SLC25A21: variants seen among roughly 807,000 people sequenced by gnomAD.
The protein encoded by SLC25A21 is solute carrier family 25 member 21.
SLC25A21 carries 47 observed loss-of-function variants against 43.8 expected under a neutral mutation model. The ratio of observed to expected loss-of-function variants is 1.07; its 90% CI spans 0.85 to 1.37. The LOEUF is 1.37. SLC25A21 is among the 40% of genes most tolerant of loss of function. The pLI is 0.00. For synonymous variants in SLC25A21, 131 were observed against 121.3 expected, an observed-to-expected ratio of 1.08 and a Z score of -0.52; for missense variants, 352 against 350.2, an observed-to-expected ratio of 1.00 and a Z score of -0.04.
intron 6 of SLC25A21, among the ~76,000 whole-genome samples, chr14:36,718,032 A>G (rs1884218828): frequency 6.6e-6 from 1 of 152,128 alleles, no homozygotes; most frequent in Non-Finnish European, 1.5e-5. Context: ...TATGTTAATA[A>G]TTTACAAAAT....
intron 1 of SLC25A21, among the ~76,000 whole-genome samples, chr14:37,011,120 C>G (rs1284872188): frequency 2.0e-5 from 3 of 152,148 alleles, no homozygotes; most frequent in Non-Finnish European, 4.4e-5. Context: ...CTCCTCACCT[C>G]AAGTGATCCG....
At chr14:36,776,230 C>T (rs368380184) in intron 3 of SLC25A21, among the ~76,000 whole-genome samples, 73 of 70,788 alleles carry the variant, frequency 1.0e-3, no homozygotes, top group African/African-American at 2.5e-3. Context: ...CTTTTTCTTT[C>T]TTTCTTTCTT....
intron 1 of SLC25A21, among the ~76,000 whole-genome samples, chr14:36,962,022 A>G (rs1959504626): frequency 6.6e-6 from 1 of 152,158 alleles, no homozygotes; most frequent in Non-Finnish European, 1.5e-5. Flanking sequence ...CTCCAGTCTG[A>G]GTTCTGCTCA....
intron 1 of SLC25A21, among the ~76,000 whole-genome samples, chr14:37,079,777 T>C (rs1422724153): frequency 6.6e-6 from 1 of 152,196 alleles, no homozygotes; most frequent in Non-Finnish European, 1.5e-5. Context: ...TATCACTGCC[T>C]ATCCCCAATC....
chr14:37,023,197 T>C (rs1320660394), intron 1 of SLC25A21, among the ~76,000 whole-genome samples: 1 of 152,046 alleles, frequency 6.6e-6, no homozygotes, highest in Non-Finnish European at 1.5e-5. Context: ...TTTTCTGGAA[T>C]GGATCTAGCT....
intron 1 of SLC25A21, among the ~76,000 whole-genome samples, chr14:36,978,868 C>T (rs1455016434): frequency 6.6e-6 from 1 of 152,118 alleles, no homozygotes; most frequent in East Asian, 1.9e-4. Context: ...ACCCGCTGTT[C>T]TAAGTCTTCA....
chr14:37,172,094 C>G, intron 1 of SLC25A21, 187 bp downstream of exon 1: 1 of 611,366 alleles, frequency 1.6e-6, no homozygotes, highest in Non-Finnish European at 2.8e-6. Flanking sequence ...GGGGCACCCA[C>G]TACTCGCAAT....
chr14:37,144,924 G>GTTGTTGTTGTTGTT (rs1555349804), intron 1 of SLC25A21, among the ~76,000 whole-genome samples: 1 of 150,456 alleles, frequency 6.6e-6, no homozygotes, highest in African/African-American at 2.5e-5. Context: ...CAGCCTGGGT[G>GTTGTTGTTGTTGTT]GTTGTTGTTG....
At position 36,902,152 on chromosome 14, in the gene SLC25A21, T is replaced by C. The variant is rs144218933; in HGVS notation, c.71-27148A>G. 1.8e-4 allele frequency among the ~76,000 whole-genome samples: 27 copies of C among 152,354 alleles called. No homozygotes were observed. The East Asian group carries it at 2.1e-3, about 12-fold the overall frequency. On this transcript the variant is annotated intron_variant, in intron 1 of 9. Transcript: ENST00000331299. ...ATTTTACATGACACATATAACACTA[T>C]GCAGGAAGAATGAAGAAAGTAAATC...
At chr14:36,989,768 G>A (rs915560676) in intron 1 of SLC25A21, among the ~76,000 whole-genome samples, 1 of 151,922 alleles carries the variant, frequency 6.6e-6, no homozygotes, top group Admixed American at 6.6e-5. Flanking sequence ...GAGACCCTCC[G>A]TATCTACTGC....
At chr14:36,849,010 T>G (rs1889636107) in intron 2 of SLC25A21, among the ~76,000 whole-genome samples, 1 of 152,194 alleles carries the variant, frequency 6.6e-6, no homozygotes. Context: ...CTCTTAATTC[T>G]GTGTTGTCCA....
chr14:37,159,565 C>A (rs1402001001), intron 1 of SLC25A21, among the ~76,000 whole-genome samples: 1 of 152,118 alleles, frequency 6.6e-6, no homozygotes, highest in Admixed American at 6.5e-5. Flanking sequence ...TCACAATATA[C>A]AAAAATCAAC....
intron 1 of SLC25A21, among the ~76,000 whole-genome samples, chr14:36,949,128 T>A (rs894911349): frequency 6.6e-6 from 1 of 152,182 alleles, no homozygotes; most frequent in African/African-American, 2.4e-5. Flanking sequence ...TGTCTGAATA[T>A]CAGTCCAGCT....
At chr14:36,732,511 T>G (rs1371546858) in intron 4 of SLC25A21, among the ~76,000 whole-genome samples, 1 of 152,150 alleles carries the variant, frequency 6.6e-6, no homozygotes, top group Non-Finnish European at 1.5e-5. Context: ...GAAATTTCAT[T>G]TATTTAGCAT....
At chr14:37,136,003 T>C (rs1208354277) in intron 1 of SLC25A21, among the ~76,000 whole-genome samples, 1 of 152,224 alleles carries the variant, frequency 6.6e-6, no homozygotes, top group Non-Finnish European at 1.5e-5. Context: ...TCTTACTATC[T>C]ATATTAATGT....
intron 1 of SLC25A21, among the ~76,000 whole-genome samples, chr14:36,978,800 A>G (rs978078208): frequency 6.6e-6 from 1 of 152,246 alleles, no homozygotes; most frequent in Non-Finnish European, 1.5e-5. Context: ...AGATGATCTC[A>G]GTACCTAAGC....
intron 1 of SLC25A21, among the ~76,000 whole-genome samples, chr14:36,953,165 T>G (rs377065161): frequency 6.0e-4 from 92 of 152,354 alleles, no homozygotes; most frequent in African/African-American, 2.1e-3. Flanking sequence ...AAGCTATTAC[T>G]AATCAGCAAT....
At chr14:37,124,061 A>G (rs1963256379) in intron 1 of SLC25A21, among the ~76,000 whole-genome samples, 1 of 149,108 alleles carries the variant, frequency 6.7e-6, no homozygotes, top group South Asian at 2.1e-4. Context: ...CCCAGGCTGG[A>G]GTGCAGTGGT....
chr14:37,144,926 T>TTGC lies in SLC25A21; in HGVS notation c.70+27354_70+27355insGCA, dbSNP rs1291493778. On this transcript the variant is annotated intron_variant, in intron 1 of 9. Transcript: ENST00000331299. ...GTGATTACACGCCCAGCCTGGGTGG[T>TTGC]TGTTGTTGTTGTTGTTGTTGTTGTT... Among the ~76,000 whole-genome samples the TTGC allele has an allele frequency of 2.8e-5, 4 of 144,130 alleles. No homozygotes were observed. The South Asian group carries it at 6.4e-4, about 23-fold the overall frequency. The allele number at this position is 144,130 out of a possible 152,430, so 94.6% of individuals were successfully genotyped here.
Sources: allele counts gnomAD v4.1 joint callset (sites outside exome capture counted in the v4.1 genomes callset), GRCh38; gene constraint gnomAD v4.1.1; transcripts MANE v1.5; gene names NCBI Gene and HGNC (gene_info 2026-07-23, HGNC 2026-07-21).